The following MROH9 variants were observed in gnomAD, a reference collection of about 807,000 sequenced individuals.
MROH9 encodes the protein maestro heat like repeat family member 9, also known as maestro heat-like repeat-containing protein family member 9.
In MROH9, 92 loss-of-function variants were observed where a neutral mutation model predicts 98.2. The observed-to-expected ratio is 0.94, with a 90% CI of 0.79 to 1.11. The LOEUF (loss-of-function observed/expected upper bound fraction) is 1.11, where lower values mean the gene tolerates loss of function less well. Ranked by LOEUF, MROH9 falls within the 50% of genes most tolerant of loss-of-function variation. The pLI is 0.00. For missense variants in MROH9, 1,057 were observed against 1,014.8 expected, an observed-to-expected ratio of 1.04 and a Z score of -0.57; for synonymous variants, 397 against 368.9, an observed-to-expected ratio of 1.08 and a Z score of -0.87.
At position 171,024,550 on chromosome 1, in the gene MROH9, A is replaced by G. The variant is rs1401634885; in HGVS notation, c.2061+3A>G. 2.3e-5 allele frequency: 35 copies of G among 1,526,552 alleles called. No individual in the cohort carries two copies. Among genetic ancestry groups the G allele is most frequent in the Non-Finnish European group, 3.0e-5 (34 of 1,136,760 alleles). 94.6% of individuals were successfully genotyped at this position (1,526,552 alleles called of 1,614,324 possible). A position where few individuals can be genotyped will look rare whatever the true frequency, so the allele number is the denominator to read the frequency against. ...ATGATGATAAAAGAGTAGCTGAAGTAAGTCATTTGATCTTCTTTTTCATAA... is the reference window on the plus strand; with the variant it reads ...ATGATGATAAAAGAGTAGCTGAAGTGAGTCATTTGATCTTCTTTTTCATAA... On this transcript the variant is annotated splice_donor_region_variant and intron_variant, in intron 18 of 21. Coordinates refer to ENST00000367759, the MANE Select transcript of MROH9 (RefSeq NM_001163629.2).
intron 17 of MROH9, among the ~76,000 whole-genome samples, chr1:171,018,636 T>C (rs1297128672): frequency 2.6e-5 from 4 of 152,128 alleles, no homozygotes; most frequent in Non-Finnish European, 5.9e-5. Flanking sequence ...TCTAACCCAA[T>C]GCAAAGAAGC....
chr1:171,014,333 G>A, intron 16 of MROH9, 79 bp downstream of exon 16: 1 of 1,318,154 alleles, frequency 7.6e-7, no homozygotes, highest in Non-Finnish European at 1.0e-6. Flanking sequence ...CATCTTCACT[G>A]ACAAAGCGGT....
chr1:171,048,314 A>G (rs1405748037), intron 20 of MROH9, among the ~76,000 whole-genome samples: 1 of 152,156 alleles, frequency 6.6e-6, no homozygotes, highest in East Asian at 1.9e-4. Context: ...TTGGAAGTCT[A>G]CTTGGTGTTC....
Position 170,992,219 on chromosome 1 carries a change from G to C in MROH9, c.1084G>C (p.Val362Leu). The C allele has an allele frequency of 6.2e-7, 1 of 1,613,424 alleles. No homozygotes were observed. The highest frequency in any genetic ancestry group is 8.5e-7 in the Non-Finnish European group (1 of 1,179,656). ...TTCTCAGGCGAGCGTGGCCCCTCACGTGCTGAAGACAATCTTATTGATACT... is the reference window on the plus strand; with the variant it reads ...TTCTCAGGCGAGCGTGGCCCCTCACCTGCTGAAGACAATCTTATTGATACT... ...ACSQASVAPH[V>L]LKTILLILKG... Residue 362 changes from valine (V) to leucine (L), a missense_variant, in exon 12 of 22, where the codon GTG becomes CTG. By Grantham distance (32) the Val-to-Leu change is conservative (BLOSUM62 1). Coordinates refer to ENST00000367759, the MANE Select transcript of MROH9 (RefSeq NM_001163629.2).
chr1:171,000,797 T>C lies in MROH9; in HGVS notation c.1596+2523T>C, dbSNP rs113399689. ...TTCCTTCTTTCTCAATCTTGTGGAA[T>C]AGTGTCAAAAGGATTGGTACCAATT... On this transcript the variant is annotated intron_variant, in intron 15 of 21. Transcript: ENST00000367759. Among the ~76,000 whole-genome samples, 1,398 of 152,262 alleles carry C rather than the reference T, an allele frequency of 9.2e-3. 22 individuals are homozygous for C. The highest frequency in any genetic ancestry group is 0.032 in the African/African-American group (1,328 of 41,568).
intron 1 of MROH9, among the ~76,000 whole-genome samples, chr1:170,939,121 T>A (rs1477041968): frequency 6.6e-6 from 1 of 152,250 alleles, no homozygotes; most frequent in African/African-American, 2.4e-5. Context: ...GGAACACAAA[T>A]ATCTTCAAAC....
At chr1:170,998,313 C>A (rs1330756813) in intron 15 of MROH9, 39 bp downstream of exon 15, 1 of 1,613,198 alleles carries the variant, frequency 6.2e-7, no homozygotes, top group Admixed American at 1.7e-5. Flanking sequence ...GTTCTCATTT[C>A]CTTTTCTTAC....
chr1:170,971,281 T>A (rs1044782638), intron 7 of MROH9, among the ~76,000 whole-genome samples: 1 of 152,198 alleles, frequency 6.6e-6, no homozygotes, highest in Admixed American at 6.5e-5. Context: ...GGAGTCAGAA[T>A]AACTTCCAGA....
At chr1:171,007,505 C>T (rs1224234627) in intron 15 of MROH9, among the ~76,000 whole-genome samples, 1 of 152,148 alleles carries the variant, frequency 6.6e-6, no homozygotes, top group Admixed American at 6.5e-5. Context: ...GTGTCTACAG[C>T]CAAGACCATG....
rs150029407 is a variant in MROH9, at chr1:171,005,552, G to C, written c.1596+7278G>C. On this transcript the variant is annotated intron_variant, in intron 15 of 21. Coordinates refer to ENST00000367759, the MANE Select transcript of MROH9 (RefSeq NM_001163629.2). ...TTTTATAGCTATTGTAAATAGAATT[G>C]TTTTCTTAATCTTTTTCATATAGTT... 2.4e-3 allele frequency among the ~76,000 whole-genome samples: 359 copies of C among 152,136 alleles called. 1 individual carries two copies. The highest frequency in any genetic ancestry group is 8.1e-3 in the African/African-American group (335 of 41,500).
In MROH9 at chr1:170,998,219, T is replaced by G; in HGVS notation, c.1541T>G (p.Val514Gly). 1 of 1,613,132 alleles carries G rather than the reference T, an allele frequency of 6.2e-7. No homozygotes were observed. Among genetic ancestry groups the G allele is most frequent in the Middle Eastern group, 1.7e-4 (1 of 6,054 alleles). The change falls in exon 15 of 22, where the codon GTA becomes GGA. Residue 514 changes from valine (V) to glycine (G), a missense_variant. Coordinates refer to ENST00000367759, the MANE Select transcript of MROH9 (RefSeq NM_001163629.2). ...CTGAGTTATCTCTATAAGCTCTCAG[T>G]AGAAGGTCCTAGAAGGTCAGAAGAC... is the stretch of plus-strand genomic sequence containing the variant. ...ETLSYLYKLS[V>G]EGPRRSEDTV...
At chr1:170,955,190 T>C (rs1031955278) in intron 3 of MROH9, among the ~76,000 whole-genome samples, 2 of 152,122 alleles carry the variant, frequency 1.3e-5, no homozygotes, top group African/African-American at 2.4e-5. Context: ...TATATATATA[T>C]ACATACCACA....
intron 8 of MROH9, among the ~76,000 whole-genome samples, chr1:170,981,781 T>C (rs1008334807): frequency 2.1e-5 from 3 of 146,276 alleles, no homozygotes; most frequent in African/African-American, 7.5e-5. Flanking sequence ...GACAACCAAA[T>C]AAAAAATAAA....
chr1:170,970,687 C>A (rs1650407575), intron 7 of MROH9, among the ~76,000 whole-genome samples: 1 of 139,078 alleles, frequency 7.2e-6, no homozygotes. Context: ...CTTCATATTT[C>A]TTCCTTAGGA....
At chr1:171,057,770 TC>T (rs1243528808) in intron 20 of MROH9, among the ~76,000 whole-genome samples, 1 of 152,180 alleles carries the variant, frequency 6.6e-6, no homozygotes, top group African/African-American at 2.4e-5. Context: ...AGTGGACCAC[TC>T]AGCAGAAACT....
At chr1:170,998,405 T>C (rs1651665354) in intron 15 of MROH9, 131 bp downstream of exon 15, 4 of 1,606,864 alleles carry the variant, frequency 2.5e-6, no homozygotes, top group Non-Finnish European at 1.7e-6. Flanking sequence ...TCATGAAAGA[T>C]ATCTGAAGTC....
chr1:170,961,954 T>C lies in MROH9; in HGVS notation c.353T>C (p.Leu118Pro). The change falls in exon 6 of 22, where the codon CTC (leucine) becomes CCC (proline). Residue 118 changes from leucine to proline, a missense_variant. Transcript: ENST00000367759. ...CTTACGAGCTTGGTGTCTAAAGACCTCTACAAACTACAGATCTTAAAGGTA... is the reference window on the plus strand; with the variant it reads ...CTTACGAGCTTGGTGTCTAAAGACCCCTACAAACTACAGATCTTAAAGGTA... ...NILTSLVSKD[L>P]YKLQILKEML... The C allele has an allele frequency of 6.5e-7, 1 of 1,533,836 alleles. No individual in the cohort carries two copies. Among genetic ancestry groups the C allele is most frequent in the Non-Finnish European group, 8.8e-7 (1 of 1,131,724 alleles).
At chr1:171,050,304 A>G (rs896675375) in intron 20 of MROH9, among the ~76,000 whole-genome samples, 1 of 152,116 alleles carries the variant, frequency 6.6e-6, no homozygotes, top group Admixed American at 6.5e-5. Context: ...TAATTTTTGT[A>G]TATGGTAAGA....
intron 9 of MROH9, 70 bp from the exon 10 acceptor site, chr1:170,986,491 T>C: frequency 6.6e-7 from 1 of 1,515,274 alleles, no homozygotes; most frequent in Non-Finnish European, 8.9e-7. Context: ...TCCCCCACCA[T>C]GTCTGAGTTT....
Sources: allele counts gnomAD v4.1 joint callset (sites outside exome capture counted in the v4.1 genomes callset), GRCh38; gene constraint gnomAD v4.1.1; transcripts MANE v1.5; gene names NCBI Gene and HGNC (gene_info 2026-07-23, HGNC 2026-07-21).